CFAP54: variants seen among roughly 807,000 people sequenced by gnomAD.
CFAP54 encodes the protein cilia and flagella associated protein 54, also known as cilia- and flagella-associated protein 54.
CFAP54 carries 290 observed loss-of-function variants against 370.4 expected under a neutral mutation model. That is an observed-to-expected ratio of 0.78 (90% CI 0.71 to 0.86). The LOEUF is 0.86. Ranked by LOEUF, CFAP54 falls within the 40% of genes least tolerant of loss-of-function variation. CFAP54 has a pLI of 0.00. For synonymous variants in CFAP54, 1,206 were observed against 1,236.5 expected, an observed-to-expected ratio of 0.98 and a Z score of 0.52; for missense variants, 3,399 against 3,528.7, an observed-to-expected ratio of 0.96 and a Z score of 0.93.
At chr12:96,597,334 T>A (rs1406703641) in intron 25 of CFAP54, among the ~76,000 whole-genome samples, 3 of 152,042 alleles carry the variant, frequency 2.0e-5, no homozygotes, top group Admixed American at 2.0e-4. Context: ...CACAGTGTTA[T>A]GTACTGTCAT....
rs17326839 is a variant in CFAP54 at position 96,739,959 on chromosome 12, T to G, written c.6969T>G (p.Ala2323=). The G allele has an allele frequency of 0.23, 348,187 of 1,488,596 alleles. 41,802 individuals are homozygous for G. Among genetic ancestry groups the G allele is most frequent in the South Asian group, 0.28 (24,344 of 86,454 alleles). The allele number at this position is 1,488,596 out of a possible 1,614,324, so 92.2% of individuals were successfully genotyped here. ...TAAAATATATTTTCTATTTTAGTGC[T>G]GCAATAGTATTTTCTACACTTACAC... The part of the protein sequence containing the change: ...ALQRHRAAYS[A]AIVFSTLTLL... The change falls in exon 51 of 68, where the codon GCT becomes GCG. Residue 2323 remains alanine (A), a synonymous_variant. Transcript: ENST00000524981.
chr12:96,860,689 C>A, intron 66 of CFAP54, 130 bp from the exon 67 acceptor site: 1 of 871,282 alleles, frequency 1.1e-6, no homozygotes, highest in Non-Finnish European at 1.7e-6. Flanking sequence ...AAACTTTGTG[C>A]CTTACCTGAG....
intron 60 of CFAP54, among the ~76,000 whole-genome samples, chr12:96,769,501 C>T (rs1208577271): frequency 3.3e-5 from 5 of 152,184 alleles, no homozygotes; most frequent in Admixed American, 2.0e-4. Context: ...TATTCAGCAG[C>T]TCTCTCATCA....
At chr12:96,826,626 TTA>T (rs1401483527) in intron 65 of CFAP54, among the ~76,000 whole-genome samples, 1 of 108,854 alleles carries the variant, frequency 9.2e-6, no homozygotes, top group African/African-American at 3.8e-5. Context: ...ATGATATATG[TTA>T]TATATTAAAT....
intron 11 of CFAP54, among the ~76,000 whole-genome samples, chr12:96,534,926 T>C (rs962191790): frequency 6.6e-6 from 1 of 152,058 alleles, no homozygotes; most frequent in African/African-American, 2.4e-5. Context: ...TTTTTGGACA[T>C]AGCATACAAA....
Position 96,639,484 on chromosome 12 carries a change from G to A in CFAP54, c.4317-4694G>A, listed in dbSNP as rs1169324894. 2.6e-5 allele frequency among the ~76,000 whole-genome samples: 4 copies of A among 152,118 alleles called. No individual in the cohort carries two copies. In the East Asian group the frequency reaches 5.8e-4, roughly 22 times the overall value. Reference sequence around the variant, plus strand: ...TCCAGGACCAGATGGATTCACAGCCGAATTCTACCAGAGGTACAAGGAGGA... The same window carrying A: ...TCCAGGACCAGATGGATTCACAGCCAAATTCTACCAGAGGTACAAGGAGGA... On this transcript the variant is annotated intron_variant, in intron 32 of 67. Transcript: ENST00000524981.
intron 50 of CFAP54, 100 bp from the exon 51 acceptor site, chr12:96,739,856 G>A: frequency 2.9e-6 from 2 of 697,344 alleles, no homozygotes; most frequent in South Asian, 4.0e-5. Flanking sequence ...GTTGTTGGCT[G>A]GGGTGTGAGA....
intron 9 of CFAP54, 69 bp from the exon 10 acceptor site, chr12:96,533,723 C>T: frequency 8.4e-7 from 1 of 1,184,622 alleles, no homozygotes; most frequent in Non-Finnish European, 1.1e-6. Context: ...CTGAAAGTGT[C>T]TATAGTGAAT....
In CFAP54 at chr12:96,745,314, G is replaced by A. The variant is rs547880528; in HGVS notation, c.7684+1168G>A. 1.6e-4 allele frequency among the ~76,000 whole-genome samples: 24 copies of A among 152,292 alleles called. No homozygotes were observed. The East Asian group carries it at 4.6e-3, about 29-fold the overall frequency. ...TTACACTCCCACCAACAGTGTAAAA[G>A]CATTCCTTTTTCTCTGCAACCTTGC... is the stretch of plus-strand genomic sequence containing the variant. On this transcript the variant is annotated intron_variant, in intron 55 of 67. Transcript: ENST00000524981.
chr12:96,743,290 C>A (rs1472465100), intron 52 of CFAP54, 112 bp from the exon 53 acceptor site: 2 of 1,014,580 alleles, frequency 2.0e-6, no homozygotes, highest in African/African-American at 3.3e-5. Flanking sequence ...TAATATACTC[C>A]CCTGTTCTTT....
chr12:96,623,866 A>C lies in CFAP54; in HGVS notation c.3871A>C (p.Lys1291Gln), dbSNP rs1956525871. The C allele has an allele frequency of 6.5e-7, 1 of 1,531,248 alleles. No homozygotes were observed. The highest frequency in any genetic ancestry group is 2.4e-5 in the East Asian group (1 of 40,870). The allele number at this position is 1,531,248 out of a possible 1,614,324, so 94.9% of individuals were successfully genotyped here. The change falls in exon 28 of 68, where the codon AAA (lysine) becomes CAA (glutamine). Residue 1291 changes from lysine to glutamine, a missense_variant. Around this residue, in one of 3 missense-constraint regions of CFAP54, gnomAD observed 2,796 missense variants for 2,869.7 expected, o/e 0.97. Coordinates refer to ENST00000524981, the MANE Select transcript of CFAP54 (RefSeq NM_001306084.2). ...GGCCTTGTTGGAGACACACCTACTC[A>C]AACTGACAAAGCAATGTAATCATTT... ...QLALLETHLL[K>Q]LTKQYVTSEL...
At chr12:96,824,752 C>T (rs761756938) in intron 65 of CFAP54, among the ~76,000 whole-genome samples, 1 of 152,250 alleles carries the variant, frequency 6.6e-6, no homozygotes, top group East Asian at 1.9e-4. Context: ...GGTGTCCTAG[C>T]TGATTTCTCT....
At chr12:96,597,077 A>G (rs1422943852) in intron 25 of CFAP54, among the ~76,000 whole-genome samples, 1 of 152,098 alleles carries the variant, frequency 6.6e-6, no homozygotes, top group African/African-American at 2.4e-5. Context: ...ATTTTGGTAA[A>G]GTAATTTTAA....
At chr12:96,573,753 C>G (rs1955948776) in intron 19 of CFAP54, among the ~76,000 whole-genome samples, 1 of 152,188 alleles carries the variant, frequency 6.6e-6, no homozygotes, top group Non-Finnish European at 1.5e-5. Flanking sequence ...CAAACAGTTA[C>G]ACTGATACCT....
chr12:96,820,741 T>C (rs1383173241), intron 65 of CFAP54, among the ~76,000 whole-genome samples: 2 of 152,198 alleles, frequency 1.3e-5, no homozygotes, highest in Admixed American at 1.3e-4. Context: ...ACTATAGATA[T>C]AGGTTTATTT....
intron 1 of CFAP54, 72 bp downstream of exon 1, chr12:96,489,998 G>C: frequency 2.2e-6 from 3 of 1,375,756 alleles, no homozygotes; most frequent in Non-Finnish European, 2.9e-6. Flanking sequence ...GGAGGATGCA[G>C]GTGGTGGCCC....
At chr12:96,865,880 A>C (rs1441872124) in intron 67 of CFAP54, among the ~76,000 whole-genome samples, 1 of 152,130 alleles carries the variant, frequency 6.6e-6, no homozygotes, top group Non-Finnish European at 1.5e-5. Flanking sequence ...AACTATATAC[A>C]TATGCCCAAT....
intron 45 of CFAP54, among the ~76,000 whole-genome samples, chr12:96,697,996 G>A (rs1957453886): frequency 6.6e-6 from 1 of 152,162 alleles, no homozygotes; most frequent in African/African-American, 2.4e-5. Context: ...TTTCATGTCT[G>A]TCTCCTTTAA....
chr12:96,799,213 C>G (rs1592768453), intron 63 of CFAP54, among the ~76,000 whole-genome samples: 1 of 152,140 alleles, frequency 6.6e-6, no homozygotes, highest in East Asian at 1.9e-4. Flanking sequence ...GAAAATGGGT[C>G]AAGCTTTTAA....
Sources: gnomAD v4.1 joint callset for allele counts (sites outside exome capture counted in the v4.1 genomes callset) on GRCh38, gnomAD v4.1.1 for gene constraint, gnomAD v4.1.1 regional missense constraint, MANE v1.5 for transcripts, NCBI Gene and HGNC (gene_info 2026-07-23, HGNC 2026-07-21) for gene names.